The following MEGF8 variants were observed in gnomAD, a reference collection of about 807,000 sequenced individuals.
MEGF8 encodes the protein multiple epidermal growth factor-like domains protein 8.
A neutral mutation model predicts 302.9 loss-of-function variants in MEGF8; 156 were observed. The ratio of observed to expected loss-of-function variants is 0.52; its 90% CI spans 0.45 to 0.59. MEGF8 has a LOEUF of 0.59. MEGF8 is among the 20% of genes least tolerant of loss of function. The pLI is 0.00. For missense variants in MEGF8, 3,345 were observed against 3,964.5 expected (o/e 0.84, Z 4.20); for synonymous variants, 1,621 against 1,660.5 (o/e 0.98, Z 0.58).
chr19:42,349,357 T>G (rs2039335877), intron 13 of MEGF8, 142 bp from the exon 14 acceptor site: 2 of 659,498 alleles, frequency 3.0e-6, no homozygotes, highest in Non-Finnish European at 5.0e-6. Flanking sequence ...GTCTCACCTC[T>G]GAGGTTCTCA....
At position 42,358,269 on chromosome 19, in the gene MEGF8, C is replaced by G; in HGVS notation, c.5137C>G (p.Arg1713Gly). ...GCTCTACTCCCTGCACTGTCCTGAC[C>G]GCACCTGGAGTCTGCTGGCCCCTTC... Reference protein sequence around the residue: ...PELYSLHCPDRTWSLLAPSQG... With the variant: ...PELYSLHCPDGTWSLLAPSQG... Residue 1713 changes from arginine to glycine, a missense_variant, in exon 29 of 42, where the codon CGC becomes GGC. Transcript: ENST00000251268. The surrounding 1 kb of genome is among the most constrained non-coding windows in gnomAD (Gnocchi z 4.4). 6.2e-7 allele frequency: 1 copy of G among 1,605,720 alleles called. No homozygotes were observed. The highest frequency in any genetic ancestry group is 2.2e-5 in the East Asian group (1 of 44,472).
rs774315411 is a variant in MEGF8, at chr19:42,334,141, G to A, written c.486G>A (p.Pro162=). Residue 162 remains proline, a synonymous_variant, in exon 3 of 42, where the codon CCG becomes CCA. Coordinates refer to ENST00000251268, the MANE Select transcript of MEGF8 (RefSeq NM_001271938.2). ...CACCGGGTGTGTGTGCCTGCGAGCC[G>A]GGCTGGGGGGGTCCTGACTGTGGCC... ...CQPPGVCACE[P]GWGGPDCGLQ... 1.6e-5 allele frequency: 25 copies of A among 1,611,614 alleles called. No homozygotes were observed. Among genetic ancestry groups the A allele is most frequent in the Admixed American group, 5.0e-5 (3 of 59,954 alleles).
intron 1 of MEGF8, among the ~76,000 whole-genome samples, chr19:42,333,185 A>G (rs1246571874): frequency 2.0e-5 from 3 of 152,138 alleles, no homozygotes; most frequent in Admixed American, 6.5e-5. Flanking sequence ...TGCTCTTCTC[A>G]CTGGGATTAT....
chr19:42,331,870 T>C (rs950863788), intron 1 of MEGF8, among the ~76,000 whole-genome samples: 17 of 147,658 alleles, frequency 1.2e-4, no homozygotes, highest in Non-Finnish European at 2.4e-4. Flanking sequence ...GCACCCAGCC[T>C]CTTTTTTTTT....
Position 42,339,178 on chromosome 19 carries a change from A to C in MEGF8, c.1513+1972A>C, listed in dbSNP as rs1183675932. Among the ~76,000 whole-genome samples the C allele has an allele frequency of 5.3e-5, 8 of 152,128 alleles. No individual in the cohort carries two copies. In the East Asian group the frequency reaches 1.3e-3, roughly 26 times the overall value. ...CTATCATTGATGGGCATTTAGGTTG[A>C]TTCCATGTCTTTGCTATTGTGAACA... On this transcript the variant is annotated intron_variant, in intron 8 of 41. Transcript: ENST00000251268.
chr19:42,350,912 C>G (rs2039359520), intron 15 of MEGF8, among the ~76,000 whole-genome samples: 1 of 152,110 alleles, frequency 6.6e-6, no homozygotes, highest in Non-Finnish European at 1.5e-5. Context: ...GCTCCTGGGC[C>G]AATGACTGGA....
Position 42,343,988 on chromosome 19 carries a change from A to G in MEGF8, c.1703A>G (p.His568Arg). The change falls in exon 10 of 42, where the codon CAC becomes CGC. Residue 568 changes from histidine to arginine, a missense_variant. By Grantham distance (29) the His-to-Arg change is conservative. Transcript: ENST00000251268. The stretch of plus-strand genomic sequence containing the variant: ...GACTACTGCTCCATGTACACAGACC[A>G]CAGCGTCTGCTCCCGGGACCCGGAA... ...HLDYCSMYTDHSVCSRDPECS... is the reference protein window; with the variant it reads ...HLDYCSMYTDRSVCSRDPECS... The G allele has an allele frequency of 2.5e-6, 4 of 1,613,662 alleles. No individual in the cohort carries two copies. Among genetic ancestry groups the G allele is most frequent in the Non-Finnish European group, 2.5e-6 (3 of 1,179,748 alleles).
chr19:42,369,658 C>G lies in MEGF8; in HGVS notation c.6769C>G (p.Arg2257Gly). The G allele has an allele frequency of 6.2e-7, 1 of 1,613,024 alleles. No homozygotes were observed. Among genetic ancestry groups the G allele is most frequent in the Non-Finnish European group, 8.5e-7 (1 of 1,179,740 alleles). ...RNCSTECRCN[R>G]HSECAGVGAR... ...CTGCTCCACGGAATGCCGCTGCAAC[C>G]GCCACAGTGAATGCGCTGGTGTTGG... Residue 2257 changes from arginine (R) to glycine (G), a missense_variant, in exon 38 of 42, where the codon CGC becomes GGC. Arg to Gly is a moderately radical substitution (Grantham distance 125, BLOSUM62 -2). Coordinates refer to ENST00000251268, the MANE Select transcript of MEGF8 (RefSeq NM_001271938.2). The surrounding 1 kb of genome is among the most constrained non-coding windows in gnomAD (Gnocchi z 5.7).
At position 42,358,008 on chromosome 19, in the gene MEGF8, C is replaced by T. The variant is rs1311285536; in HGVS notation, c.5012-136C>T. ...TCCATTTGAACCCAACTGAGAGGGA[C>T]GGGTGGAGAGGGGCTCCCAGGCCTC... On this transcript the variant is annotated intron_variant, in intron 28 of 41. Coordinates refer to ENST00000251268, the MANE Select transcript of MEGF8 (RefSeq NM_001271938.2). This position sits in a 1 kb window ranked among gnomAD's most constrained non-coding sequence, Gnocchi z 4.4. The T allele has an allele frequency of 2.1e-5, 17 of 801,292 alleles. No homozygotes were observed. Among genetic ancestry groups the T allele is most frequent in the Non-Finnish European group, 2.6e-5 (14 of 538,870 alleles). 49.6% of individuals were successfully genotyped at this position (801,292 alleles called of 1,614,324 possible). A position where few individuals can be genotyped will look rare whatever the true frequency, so the allele number is the denominator to read the frequency against.
intron 35 of MEGF8, among the ~76,000 whole-genome samples, chr19:42,367,433 C>T (rs185672140): frequency 9.9e-5 from 15 of 152,190 alleles, no homozygotes; most frequent in Non-Finnish European, 1.5e-4. Context: ...GGACTACAGG[C>T]GCCCGCCACC....
intron 12 of MEGF8, among the ~76,000 whole-genome samples, chr19:42,345,067 G>A (rs908021751): frequency 1.3e-5 from 2 of 152,114 alleles, no homozygotes; most frequent in African/African-American, 4.8e-5. Flanking sequence ...TGCCTCCTGG[G>A]TTCAAGTGAT....
rs2039245320 is a variant in MEGF8, at chr19:42,343,607, T to C, written c.1644T>C (p.Phe548=). The C allele has an allele frequency of 6.2e-7, 1 of 1,610,212 alleles. No individual in the cohort carries two copies. Among genetic ancestry groups the C allele is most frequent in the Non-Finnish European group, 8.5e-7 (1 of 1,178,068 alleles). ...TGATGGCGTACAAGGTGCCCCCCTT[T>C]GTGTTCCAGGCACCTGCCCCTGACG... is the stretch of plus-strand genomic sequence containing the variant. ...GDLMAYKVPP[F]VFQAPAPDYH... The change falls in exon 9 of 42, where the codon TTT becomes TTC. Residue 548 remains phenylalanine, a synonymous_variant. Coordinates refer to ENST00000251268, the MANE Select transcript of MEGF8 (RefSeq NM_001271938.2).
intron 8 of MEGF8, 140 bp from the exon 9 acceptor site, chr19:42,343,336 TG>T: frequency 1.2e-6 from 1 of 848,254 alleles, no homozygotes; most frequent in Non-Finnish European, 1.7e-6. Context: ...CCAGGTGGGC[TG>T]GGAGAGTGTC....
Position 42,363,141 on chromosome 19 carries a change from C to T in MEGF8, c.6152C>T (p.Ser2051Leu), listed in dbSNP as rs984455722. 8 of 1,612,810 alleles carry T rather than the reference C, an allele frequency of 5.0e-6. No homozygotes were observed. Among genetic ancestry groups the T allele is most frequent in the Non-Finnish European group, 6.8e-6 (8 of 1,179,460 alleles). The change falls in exon 35 of 42, where the codon TCA becomes TTA. Residue 2051 changes from serine (S) to leucine (L), a missense_variant. Ser to Leu is a moderately radical substitution (Grantham distance 145). Coordinates refer to ENST00000251268, the MANE Select transcript of MEGF8 (RefSeq NM_001271938.2). ...LLNVSPMPVE[S>L]SPPLPCPTPC... ...AATGTGTCCCCCATGCCGGTGGAAT[C>T]ATCACCCCCACTGCCCTGCCCCACC...
rs528584396 is a variant in MEGF8 at position 42,351,152 on chromosome 19, G to A, written c.2737-64G>A. 6 of 1,393,234 alleles carry A rather than the reference G, an allele frequency of 4.3e-6. No individual in the cohort carries two copies. In the South Asian group the frequency reaches 5.2e-5, roughly 12 times the overall value. The allele number at this position is 1,393,234 out of a possible 1,614,324, so 86.3% of individuals were successfully genotyped here. On this transcript the variant is annotated intron_variant, in intron 15 of 41. Coordinates refer to ENST00000251268, the MANE Select transcript of MEGF8 (RefSeq NM_001271938.2). This position sits in a 1 kb window ranked among gnomAD's most constrained non-coding sequence, Gnocchi z 5.6. The stretch of plus-strand genomic sequence containing the variant: ...CAGGGTGGGGCAGGGGGTGGGATGG[G>A]CACTGGGAGTCCAAAGGAAAGGGCT...
chr19:42,362,543 G>C lies in MEGF8; in HGVS notation c.6004G>C (p.Glu2002Gln), dbSNP rs775608612. 6.2e-7 allele frequency: 1 copy of C among 1,613,576 alleles called. No individual in the cohort carries two copies. ...GGCTGCGTGCGGGGCTGCTGACTGC[G>C]AGCAGTGCACGCGGGAGGGCAAGTG... Reference protein sequence around the residue: ...SEAACGAADCEQCTREGKCMW... With the variant: ...SEAACGAADCQQCTREGKCMW... Residue 2002 changes from glutamate (E) to glutamine (Q), a missense_variant, in exon 34 of 42, where the codon GAG becomes CAG. By Grantham distance (29) the Glu-to-Gln change is conservative. Coordinates refer to ENST00000251268, the MANE Select transcript of MEGF8 (RefSeq NM_001271938.2).
In MEGF8 at chr19:42,352,387, C is replaced by T. The variant is rs772535224; in HGVS notation, c.3281C>T (p.Thr1094Met). 36 of 1,593,704 alleles carry T rather than the reference C, an allele frequency of 2.3e-5. No individual in the cohort carries two copies. The highest frequency in any genetic ancestry group is 2.8e-5 in the Non-Finnish European group (33 of 1,170,848). Residue 1094 changes from threonine to methionine, a missense_variant, in exon 19 of 42, where the codon ACG becomes ATG. Coordinates refer to ENST00000251268, the MANE Select transcript of MEGF8 (RefSeq NM_001271938.2). This position sits in a 1 kb window ranked among gnomAD's most constrained non-coding sequence, Gnocchi z 4.4. ...RCHPRATCLN[T>M]PLSYECHCQR... Reference sequence around the variant, plus strand: ...CACCCGCGGGCGACCTGCCTGAACACGCCCCTCAGCTACGAGTGTCACTGC... The same window carrying T: ...CACCCGCGGGCGACCTGCCTGAACATGCCCCTCAGCTACGAGTGTCACTGC...
At position 42,358,772 on chromosome 19, in the gene MEGF8, C is replaced by T. The variant is rs774934418; in HGVS notation, c.5176-15C>T. 32 of 1,515,074 alleles carry T rather than the reference C, an allele frequency of 2.1e-5. No homozygotes were observed. The highest frequency in any genetic ancestry group is 2.8e-5 in the Non-Finnish European group (32 of 1,132,266). The allele number at this position is 1,515,074 out of a possible 1,614,324, so 93.9% of individuals were successfully genotyped here. A position where few individuals can be genotyped will look rare whatever the true frequency, so the allele number is the denominator to read the frequency against. On this transcript the variant is annotated splice_polypyrimidine_tract_variant and intron_variant, in intron 29 of 41. Coordinates refer to ENST00000251268, the MANE Select transcript of MEGF8 (RefSeq NM_001271938.2). The surrounding 1 kb of genome is among the most constrained non-coding windows in gnomAD (Gnocchi z 4.4). ...TCGAGGAGCCTCAACCCCAGGACGC[C>T]CCCACTGTCACTAGCGAGATCGTAT...
chr19:42,378,577 T>C lies in MEGF8; in HGVS notation c.*1802T>C, dbSNP rs1249427594. 2 of 153,776 alleles carry C rather than the reference T, an allele frequency of 1.3e-5. No homozygotes were observed. Among genetic ancestry groups the C allele is most frequent in the Admixed American group, 6.5e-5 (1 of 15,270 alleles). The allele number at this position is 153,776 out of a possible 1,614,324, so 9.5% of individuals were successfully genotyped here. A position where few individuals can be genotyped will look rare whatever the true frequency, so the allele number is the denominator to read the frequency against. ...CTCCCTTCTACCCTAGCTGTCTTCT[T>C]GAACTTGGGACTCTCCTTTCCCAAG... On this transcript the variant is annotated 3_prime_UTR_variant, in exon 42 of 42. Transcript: ENST00000251268.
Sources: gnomAD v4.1 joint callset for allele counts (sites outside exome capture counted in the v4.1 genomes callset) on GRCh38, gnomAD v4.1.1 for gene constraint, Gnocchi (gnomAD v3.1) non-coding constraint, MANE v1.5 for transcripts, NCBI Gene and HGNC (gene_info 2026-07-23, HGNC 2026-07-21) for gene names.